FAT3: variants seen among roughly 807,000 people sequenced by gnomAD.
FAT3 encodes FAT atypical cadherin 3, also known as protocadherin Fat 3.
Under a neutral mutation model 310.2 loss-of-function variants are expected in FAT3, and 95 were observed. That is an observed-to-expected ratio of 0.31 (90% confidence interval 0.26 to 0.36). The LOEUF (loss-of-function observed/expected upper bound fraction) is 0.36. FAT3 is among the 10% of genes least tolerant of loss of function. The pLI is 1.00. For missense variants in FAT3, 5,408 were observed against 5,715.6 expected, an observed-to-expected ratio of 0.95 and a Z score of 1.74; for synonymous variants, 2,314 against 2,192.9, an observed-to-expected ratio of 1.06 and a Z score of -1.54.
chr11:92,737,321 G>A (rs1381883638), intron 4 of FAT3, among the ~76,000 whole-genome samples: 1 of 152,088 alleles, frequency 6.6e-6, no homozygotes, highest in African/African-American at 2.4e-5. Flanking sequence ...TATGATCAGG[G>A]ACTCTGTGGG....
chr11:92,831,863 C>T lies in FAT3; in HGVS notation c.9723C>T (p.Tyr3241=), dbSNP rs745388350. 2.5e-6 allele frequency: 4 copies of T among 1,613,504 alleles called. No individual in the cohort carries two copies. The South Asian group carries it at 3.3e-5, about 13-fold the overall frequency. Residue 3241 remains tyrosine (Y), a synonymous_variant, in exon 14 of 28, where the codon TAC becomes TAT. Coordinates refer to ENST00000525166, the MANE Select transcript of FAT3 (RefSeq NM_001367949.2). ...DNPPVFERRD[Y]LVTVPEDTSP... ...CCCCTGTGTTTGAGAGGAGGGACTA[C>T]CTGGTGACGGTGCCTGAGGACACCT...
intron 2 of FAT3, among the ~76,000 whole-genome samples, chr11:92,496,481 T>A (rs1357579926): frequency 6.6e-6 from 1 of 151,984 alleles, no homozygotes; most frequent in Non-Finnish European, 1.5e-5. Context: ...CAGATTACAT[T>A]TCCTTCCTCC....
chr11:92,873,849 A>C (rs780934707), intron 22 of FAT3, among the ~76,000 whole-genome samples: 1 of 152,204 alleles, frequency 6.6e-6, no homozygotes, highest in South Asian at 2.1e-4. Flanking sequence ...TTTTCGGTAC[A>C]TGTATCTCCA....
intron 1 of FAT3, among the ~76,000 whole-genome samples, chr11:92,296,847 A>G (rs765564918): frequency 2.2e-4 from 34 of 152,192 alleles, no homozygotes; most frequent in Admixed American, 5.2e-4. Flanking sequence ...CTCAGAACCT[A>G]GACAAGAGTA....
chr11:92,687,256 T>A (rs1385882780), intron 3 of FAT3, among the ~76,000 whole-genome samples: 1 of 152,166 alleles, frequency 6.6e-6, no homozygotes, highest in African/African-American at 2.4e-5. Context: ...CCTAGTATTG[T>A]CCCCATTTCA....
At chr11:92,538,418 TACTA>T (rs1169450720) in intron 3 of FAT3, among the ~76,000 whole-genome samples, 2 of 152,144 alleles carry the variant, frequency 1.3e-5, no homozygotes, top group Admixed American at 6.6e-5. Flanking sequence ...AAAATGGGTA[TACTA>T]ACTGAGATGC....
chr11:92,409,206 T>C (rs899895416), intron 2 of FAT3, among the ~76,000 whole-genome samples: 3 of 152,132 alleles, frequency 2.0e-5, no homozygotes, highest in Non-Finnish European at 4.4e-5. Flanking sequence ...CACCACAGTA[T>C]ATTTGCTTTC....
chr11:92,758,304 A>G (rs1946056506), intron 4 of FAT3, among the ~76,000 whole-genome samples: 1 of 152,234 alleles, frequency 6.6e-6, no homozygotes, highest in Non-Finnish European at 1.5e-5. Context: ...GTGTCCTAGA[A>G]CTATACACAT....
chr11:92,694,215 A>G (rs1943874606), intron 3 of FAT3, among the ~76,000 whole-genome samples: 1 of 152,206 alleles, frequency 6.6e-6, no homozygotes, highest in African/African-American at 2.4e-5. Context: ...GACACTCCCT[A>G]TCCCCATACC....
chr11:92,257,249 T>C (rs1865354111), intron 1 of FAT3, among the ~76,000 whole-genome samples: 1 of 152,126 alleles, frequency 6.6e-6, no homozygotes. Context: ...TTGTCTTGTC[T>C]CCTTGCAAAA....
chr11:92,602,577 C>T (rs1037633496), intron 3 of FAT3, among the ~76,000 whole-genome samples: 11 of 152,210 alleles, frequency 7.2e-5, no homozygotes, highest in Non-Finnish European at 1.2e-4. Flanking sequence ...CTCCCTGCAG[C>T]TTCATTGGCT....
chr11:92,391,212 C>T (rs1385897526), intron 2 of FAT3, among the ~76,000 whole-genome samples: 1 of 152,132 alleles, frequency 6.6e-6, no homozygotes, highest in Non-Finnish European at 1.5e-5. Flanking sequence ...CTTCTGTTCC[C>T]TCCCCGATGT....
At chr11:92,400,032 T>C (rs1220899438) in intron 2 of FAT3, among the ~76,000 whole-genome samples, 1 of 152,188 alleles carries the variant, frequency 6.6e-6, no homozygotes. Context: ...ACTATTGGCT[T>C]TCCTTGGCTC....
intron 9 of FAT3, among the ~76,000 whole-genome samples, chr11:92,793,320 C>T (rs140985577): frequency 6.6e-6 from 1 of 152,112 alleles, no homozygotes; most frequent in South Asian, 2.1e-4. Flanking sequence ...AGCCGCCCGC[C>T]GATCATCTGA....
intron 1 of FAT3, among the ~76,000 whole-genome samples, chr11:92,247,636 T>C (rs1285181572): frequency 6.6e-6 from 1 of 151,988 alleles, no homozygotes; most frequent in Non-Finnish European, 1.5e-5. Context: ...TTGTTAGGCA[T>C]TGACGAACAT....
At chr11:92,780,576 G>A (rs557128037) in intron 7 of FAT3, among the ~76,000 whole-genome samples, 1 of 152,096 alleles carries the variant, frequency 6.6e-6, no homozygotes, top group Non-Finnish European at 1.5e-5. Flanking sequence ...AGTAGATCAG[G>A]GTTTATATCC....
intron 3 of FAT3, among the ~76,000 whole-genome samples, chr11:92,632,346 TA>T (rs1565473134): frequency 6.6e-5 from 10 of 152,232 alleles, no homozygotes. Flanking sequence ...AGCAGTCATT[TA>T]AATTTCACAT....
intron 2 of FAT3, among the ~76,000 whole-genome samples, chr11:92,404,866 A>G (rs1023443965): frequency 6.6e-6 from 1 of 152,090 alleles, no homozygotes. Flanking sequence ...TGGGACATCT[A>G]TCTTCTCCTA....
chr11:92,565,649 G>A (rs1955404897), intron 3 of FAT3, among the ~76,000 whole-genome samples: 1 of 150,510 alleles, frequency 6.6e-6, no homozygotes, highest in East Asian at 2.0e-4. Context: ...TAAAATACTG[G>A]CAAACCGAAT....
Sources: allele counts gnomAD v4.1 joint callset (sites outside exome capture counted in the v4.1 genomes callset), GRCh38; gene constraint gnomAD v4.1.1; transcripts MANE v1.5; gene names NCBI Gene and HGNC (gene_info 2026-07-23, HGNC 2026-07-21).